Variants in OTOG observed in about 807,000 individuals in gnomAD.
The protein encoded by OTOG is otogelin.
OTOG carries 296 observed loss-of-function variants against 313.8 expected under a neutral mutation model. The ratio of observed to expected loss-of-function variants is 0.94; its 90% CI spans 0.86 to 1.04. OTOG has a LOEUF of 1.04. Ranked by LOEUF, OTOG falls within the 50% of genes least tolerant of loss-of-function variation. OTOG has a pLI of 0.00. For synonymous variants in OTOG, 1,533 were observed against 1,554.9 expected (o/e 0.99, Z 0.33); for missense variants, 3,948 against 3,840.1 (o/e 1.03, Z -0.74).
At chr11:17,628,328 T>C (rs2133697944) in intron 39 of OTOG, among the ~76,000 whole-genome samples, 1 of 152,314 alleles carries the variant, frequency 6.6e-6, no homozygotes, top group African/African-American at 2.4e-5. Context: ...CCACTTGACA[T>C]TCAGGAGCAT....
intron 3 of OTOG, among the ~76,000 whole-genome samples, chr11:17,548,565 C>G (rs1351774888): frequency 1.3e-5 from 2 of 151,478 alleles, no homozygotes; most frequent in Non-Finnish European, 2.9e-5. Context: ...TTTTCCCTGA[C>G]TGGCCTGCGA....
At chr11:17,561,548 T>C in intron 14 of OTOG, 114 bp from the exon 15 acceptor site, 1 of 1,141,418 alleles carries the variant, frequency 8.8e-7, no homozygotes, top group African/African-American at 1.5e-5. Context: ...TCATTCCTTA[T>C]ACTGCTCTTA....
chr11:17,558,796 C>G (rs1055767689), intron 10 of OTOG, among the ~76,000 whole-genome samples, 152 bp downstream of exon 10: 6 of 152,218 alleles, frequency 3.9e-5, no homozygotes, highest in African/African-American at 1.4e-4. Context: ...CAGAGCTGCC[C>G]CATTCAACTG....
intron 16 of OTOG, among the ~76,000 whole-genome samples, 186 bp downstream of exon 16, chr11:17,569,474 C>T (rs1269122124): frequency 6.6e-6 from 1 of 152,190 alleles, no homozygotes; most frequent in Non-Finnish European, 1.5e-5. Flanking sequence ...TGTCCCACCT[C>T]AACAGGACAG....
At chr11:17,562,046 A>AAAATAT (rs1440986349) in intron 15 of OTOG, among the ~76,000 whole-genome samples, 368 of 139,806 alleles carry the variant, frequency 2.6e-3, no homozygotes, top group East Asian at 8.5e-3. Flanking sequence ...CTAAAAAAAA[A>AAAATAT]ATATATATAT....
intron 12 of OTOG, 49 bp from the exon 13 acceptor site, chr11:17,560,660 T>C (rs1231892844): frequency 7.1e-7 from 1 of 1,408,638 alleles, no homozygotes; most frequent in Non-Finnish European, 9.8e-7. Flanking sequence ...ACGAATGGTT[T>C]GTGAACAGGG....
At chr11:17,637,223 A>G (rs535898805) in intron 47 of OTOG, among the ~76,000 whole-genome samples, 1 of 152,144 alleles carries the variant, frequency 6.6e-6, no homozygotes, top group East Asian at 1.9e-4. Flanking sequence ...CATCCTGGAC[A>G]TACTCTTTTT....
At chr11:17,595,999 G>A (rs1261125388) in intron 28 of OTOG, 39 bp from the exon 29 acceptor site, 2 of 1,409,660 alleles carry the variant, frequency 1.4e-6, no homozygotes, top group East Asian at 2.5e-5. Context: ...CAGGCATTTG[G>A]CAAGTAGGGA....
intron 40 of OTOG, among the ~76,000 whole-genome samples, chr11:17,629,636 C>A (rs2133700169): frequency 6.6e-6 from 1 of 152,324 alleles, no homozygotes; most frequent in Admixed American, 6.5e-5. Context: ...CTTCCACAGT[C>A]TATCTCACTT....
chr11:17,558,784 G>A, intron 10 of OTOG, 140 bp downstream of exon 10: 3 of 974,278 alleles, frequency 3.1e-6, no homozygotes, highest in South Asian at 3.1e-5. Flanking sequence ...GCCTAGGTGG[G>A]ACAGAGCTGC....
intron 20 of OTOG, among the ~76,000 whole-genome samples, chr11:17,575,521 G>T (rs145236829): frequency 1.3e-5 from 2 of 152,208 alleles, no homozygotes; most frequent in Admixed American, 1.3e-4. Context: ...GGCCCAGCTT[G>T]TTCTCAGTGT....
rs759564756 is a variant in OTOG, at chr11:17,609,930, G to A, written c.4630G>A (p.Gly1544Ser). The change falls in exon 36 of 56, where the codon GGC (glycine) becomes AGC (serine). Residue 1544 changes from glycine to serine, a missense_variant. Physicochemically the swap from Gly to Ser is moderately conservative, Grantham distance 56 (BLOSUM62 0). Coordinates refer to ENST00000399397, the MANE Select transcript of OTOG (RefSeq NM_001292063.2). The stretch of plus-strand genomic sequence containing the variant: ...GCTCACTGCATCTCAACTCCCCGCC[G>A]GCCCCACGGAGTCCCCAGCCAGCAA... ...LELTASQLPA[G>S]PTESPASKGV... The A allele has an allele frequency of 4.1e-5, 62 of 1,530,242 alleles. No homozygotes were observed. Among genetic ancestry groups the A allele is most frequent in the Non-Finnish European group, 4.7e-5 (53 of 1,135,352 alleles). The allele number at this position is 1,530,242 out of a possible 1,614,324, so 94.8% of individuals were successfully genotyped here. A position where few individuals can be genotyped will look rare whatever the true frequency, so the allele number is the denominator to read the frequency against.
chr11:17,617,822 T>C (rs574570462), intron 39 of OTOG, among the ~76,000 whole-genome samples: 1 of 152,266 alleles, frequency 6.6e-6, no homozygotes, highest in African/African-American at 2.4e-5. Context: ...ATTATTTTCT[T>C]TCTTCTGCTT....
intron 46 of OTOG, 73 bp from the exon 47 acceptor site, chr11:17,635,537 C>A: frequency 1.6e-6 from 2 of 1,248,808 alleles, no homozygotes; most frequent in Non-Finnish European, 2.3e-6. Context: ...GAGGCCCCAC[C>A]CCCAGCAACG....
Position 17,633,830 on chromosome 11 carries a change from T to C in OTOG, c.7223T>C (p.Leu2408Ser), listed in dbSNP as rs1038231761. The C allele has an allele frequency of 6.5e-7, 1 of 1,549,642 alleles. No homozygotes were observed. The highest frequency in any genetic ancestry group is 1.4e-5 in the African/African-American group (1 of 73,142). ...EGCVCSEGTI[L>S]HRRHSALCIP... The stretch of plus-strand genomic sequence containing the variant: ...TGCGTCTGCTCCGAGGGCACCATCT[T>C]ACACCGGCGCCACTCTGCACTCTGC... The change falls in exon 43 of 56, where the codon TTA becomes TCA. Residue 2408 changes from leucine to serine, a missense_variant. Transcript: ENST00000399397.
intron 23 of OTOG, among the ~76,000 whole-genome samples, chr11:17,584,857 A>G (rs1236822552): frequency 3.3e-5 from 5 of 152,244 alleles, no homozygotes; most frequent in African/African-American, 9.6e-5. Flanking sequence ...GGAGTATCAT[A>G]TGATATTTTC....
chr11:17,632,143 A>G lies in OTOG; in HGVS notation c.6989A>G (p.Gln2330Arg). Residue 2330 changes from glutamine (Q) to arginine (R), a missense_variant, in exon 42 of 56, where the codon CAG becomes CGG. Physicochemically the swap from Gln to Arg is conservative, Grantham distance 43. Coordinates refer to ENST00000399397, the MANE Select transcript of OTOG (RefSeq NM_001292063.2). ...LWIRDTKYVQ[Q>R]PCVALTVYVA... ...ATCCGGGACACCAAGTACGTGCAGCAGCCCTGCGTGGCCCTGACTGTGTAC... is the reference window on the plus strand; with the variant it reads ...ATCCGGGACACCAAGTACGTGCAGCGGCCCTGCGTGGCCCTGACTGTGTAC... The G allele has an allele frequency of 1.3e-6, 2 of 1,551,100 alleles. No individual in the cohort carries two copies. Among genetic ancestry groups the G allele is most frequent in the South Asian group, 2.4e-5 (2 of 84,064 alleles).
chr11:17,613,378 T>TTCCTTCCTTCCTTCCC lies in OTOG; in HGVS notation c.6439-219_6439-218insCTCCTTCCTTCCTTCC, dbSNP rs1554975627. Among the ~76,000 whole-genome samples the TTCCTTCCTTCCTTCCC allele has an allele frequency of 2.1e-3, 279 of 133,190 alleles. 9 individuals carry two copies. Among genetic ancestry groups the TTCCTTCCTTCCTTCCC allele is most frequent in the African/African-American group, 7.8e-3 (269 of 34,586 alleles). The allele number at this position is 133,190 out of a possible 152,430, so 87.4% of individuals were successfully genotyped here. A position where few individuals can be genotyped will look rare whatever the true frequency, so the allele number is the denominator to read the frequency against. On this transcript the variant is annotated intron_variant, in intron 38 of 55. Coordinates refer to ENST00000399397, the MANE Select transcript of OTOG (RefSeq NM_001292063.2). Reference sequence around the variant, plus strand: ...CTTCCTTCCTTCCTTCCTTCCCTCCTTCCTTCCTTCCTTCCTTCCTTTTTT... The same window carrying TTCCTTCCTTCCTTCCC: ...CTTCCTTCCTTCCTTCCTTCCCTCCTTCCTTCCTTCCTTCCCTCCTTCCTTCCTTCCTTCCTTTTTT...
intron 23 of OTOG, among the ~76,000 whole-genome samples, chr11:17,586,141 A>G (rs1296032327): frequency 6.6e-6 from 1 of 152,152 alleles, no homozygotes; most frequent in African/African-American, 2.4e-5. Context: ...CATCGCCCAT[A>G]TCCATGACCT....
Sources: gnomAD v4.1 joint callset for allele counts (sites outside exome capture counted in the v4.1 genomes callset) on GRCh38, gnomAD v4.1.1 for gene constraint, MANE v1.5 for transcripts, NCBI Gene and HGNC (gene_info 2026-07-23, HGNC 2026-07-21) for gene names.